Variants in NHEJ1 observed in about 807,000 individuals in gnomAD.
NHEJ1 encodes non-homologous end-joining factor 1.
Under a neutral mutation model 39.4 loss-of-function variants are expected in NHEJ1, and 22 were observed. That is an observed-to-expected ratio of 0.56 (90% CI 0.40 to 0.80). The LOEUF (loss-of-function observed/expected upper bound fraction) is 0.80, where lower values mean the gene tolerates loss of function less well. Among genes scored for constraint, NHEJ1 ranks in the 30% least tolerant of loss-of-function variants. The probability of loss-of-function intolerance (pLI) is 0.00; values close to 1 mark genes in which losing one functional copy is unlikely to be tolerated. For missense variants in NHEJ1, 329 were observed against 357.1 expected (o/e 0.92, Z 0.63); for synonymous variants, 154 against 135.6 (o/e 1.14, Z -0.94).
At chr2:219,091,120 C>T (rs1220758385) in intron 5 of NHEJ1, among the ~76,000 whole-genome samples, 1 of 152,114 alleles carries the variant, frequency 6.6e-6, no homozygotes, top group African/African-American at 2.4e-5. Flanking sequence ...CCTCATAGAG[C>T]TTACAGTCTG....
intron 5 of NHEJ1, among the ~76,000 whole-genome samples, chr2:219,097,834 G>A (rs1455721207): frequency 6.6e-6 from 1 of 152,196 alleles, no homozygotes; most frequent in Admixed American, 6.5e-5. Flanking sequence ...TAAAGATGAT[G>A]TTTAAAGCCA....
intron 5 of NHEJ1, among the ~76,000 whole-genome samples, chr2:219,133,388 G>A (rs1949596489): frequency 6.6e-6 from 1 of 152,220 alleles, no homozygotes. Context: ...CCCAATGTGA[G>A]AGAGTCCTCT....
intron 5 of NHEJ1, among the ~76,000 whole-genome samples, chr2:219,137,068 T>G (rs1485711902): frequency 7.0e-6 from 1 of 143,206 alleles, no homozygotes; most frequent in Non-Finnish European, 1.5e-5. Flanking sequence ...TAGCTCTTCT[T>G]GAGAAAAAAA....
chr2:219,137,252 G>A (rs888004803), intron 5 of NHEJ1, among the ~76,000 whole-genome samples: 2 of 152,080 alleles, frequency 1.3e-5, no homozygotes, highest in African/African-American at 4.8e-5. Context: ...CATATTTTCA[G>A]TAAGGAAAAC....
intron 5 of NHEJ1, among the ~76,000 whole-genome samples, chr2:219,137,525 A>G (rs1309859319): frequency 1.4e-5 from 2 of 148,082 alleles, no homozygotes; most frequent in Non-Finnish European, 3.0e-5. Context: ...ACATAATGAC[A>G]GTCGTTAACA....
chr2:219,135,403 T>G (rs2106353735), intron 5 of NHEJ1, among the ~76,000 whole-genome samples: 1 of 152,044 alleles, frequency 6.6e-6, no homozygotes, highest in South Asian at 2.1e-4. Flanking sequence ...GGTCAGGAGT[T>G]TGAGACCAGC....
In NHEJ1 at chr2:219,076,387, G is replaced by C; in HGVS notation, c.894C>G (p.Phe298Leu). The C allele has an allele frequency of 6.2e-7, 1 of 1,614,100 alleles. No individual in the cohort carries two copies. The highest frequency in any genetic ancestry group is 1.1e-5 in the South Asian group (1 of 91,070). ...CAGCTGAGGCCACAACAGATTAACT[G>C]AAGAGACCCCTTGGCTTCTTCCTCT... ...KVKRKKPRGL[F>L]S The change falls in exon 8 of 8, where the codon TTC (phenylalanine) becomes TTG (leucine). Residue 298 changes from phenylalanine (F) to leucine (L), a missense_variant. Coordinates refer to ENST00000356853, the MANE Select transcript of NHEJ1 (RefSeq NM_024782.3).
rs546337167 is a variant in NHEJ1, at chr2:219,071,441, T to A, written c.*4940A>T. Among the ~76,000 whole-genome samples, 1 of 152,266 alleles carries A rather than the reference T, an allele frequency of 6.6e-6. No homozygotes were observed. Among genetic ancestry groups the A allele is most frequent in the South Asian group, 2.1e-4 (1 of 4,826 alleles). Reference sequence around the variant, plus strand: ...CTCTATTGTTTTGAGTGAGGCCCAATATTTCCACAGCAGGATTATAGGATC... The same window carrying A: ...CTCTATTGTTTTGAGTGAGGCCCAAAATTTCCACAGCAGGATTATAGGATC... On this transcript the variant is annotated 3_prime_UTR_variant, in exon 8 of 8. Transcript: ENST00000356853.
At position 219,076,323 on chromosome 2, in the gene NHEJ1, A is replaced by G. The variant is rs749880986; in HGVS notation, c.*58T>C. The G allele has an allele frequency of 1.2e-6, 2 of 1,614,052 alleles. No individual in the cohort carries two copies. The highest frequency in any genetic ancestry group is 1.7e-6 in the Non-Finnish European group (2 of 1,180,002). On this transcript the variant is annotated 3_prime_UTR_variant, in exon 8 of 8. Transcript: ENST00000356853. ...ATTGCTGCCATGTAAGCTTCTTTCA[A>G]GGTGAAGCTTGGAAGCTGTTCTCCA...
At chr2:219,134,856 G>A (rs562588590) in intron 5 of NHEJ1, among the ~76,000 whole-genome samples, 1 of 151,718 alleles carries the variant, frequency 6.6e-6, no homozygotes, top group Non-Finnish European at 1.5e-5. Flanking sequence ...TGGCCAACAT[G>A]GTGAAACCCC....
At chr2:219,116,806 G>T (rs1487640782) in intron 5 of NHEJ1, among the ~76,000 whole-genome samples, 1 of 152,168 alleles carries the variant, frequency 6.6e-6, no homozygotes, top group Non-Finnish European at 1.5e-5. Flanking sequence ...TTCCACATTT[G>T]CAATAAACAA....
At chr2:219,140,652 G>A (rs1461017127) in intron 5 of NHEJ1, among the ~76,000 whole-genome samples, 2 of 152,168 alleles carry the variant, frequency 1.3e-5, no homozygotes, top group African/African-American at 4.8e-5. Flanking sequence ...TAGATGGGAG[G>A]GGGTTGTTGG....
chr2:219,103,765 G>A (rs1048536905), intron 5 of NHEJ1, among the ~76,000 whole-genome samples: 5 of 152,058 alleles, frequency 3.3e-5, no homozygotes, highest in Admixed American at 6.5e-5. Flanking sequence ...AAATAAACTG[G>A]AGCCAGGTAG....
At chr2:219,129,752 C>T (rs1949558958) in intron 5 of NHEJ1, among the ~76,000 whole-genome samples, 2 of 152,230 alleles carry the variant, frequency 1.3e-5, no homozygotes, top group African/African-American at 2.4e-5. Flanking sequence ...CTAAATTTAA[C>T]GCCCTGCGCG....
intron 5 of NHEJ1, among the ~76,000 whole-genome samples, chr2:219,116,974 G>C (rs2106342675): frequency 6.6e-6 from 1 of 152,266 alleles, no homozygotes; most frequent in Non-Finnish European, 1.5e-5. Context: ...GAAAGGAGAG[G>C]CAAAGAACAG....
intron 5 of NHEJ1, among the ~76,000 whole-genome samples, chr2:219,119,489 C>T (rs1203107859): frequency 6.6e-6 from 1 of 152,104 alleles, no homozygotes; most frequent in Non-Finnish European, 1.5e-5. Flanking sequence ...ACAATAATTT[C>T]TTACCTGAGC....
intron 5 of NHEJ1, among the ~76,000 whole-genome samples, chr2:219,109,679 G>C (rs1261557092): frequency 6.6e-6 from 1 of 152,204 alleles, no homozygotes; most frequent in Non-Finnish European, 1.5e-5. Context: ...GGGGCAAGGA[G>C]GCGTGGGTTG....
intron 5 of NHEJ1, chr2:219,124,868 C>T (rs959880347): frequency 2.0e-5 from 3 of 152,210 alleles, no homozygotes; most frequent in African/African-American, 7.2e-5. Flanking sequence ...TGGCTGATTA[C>T]AGGGCCACTC....
chr2:219,153,121 C>T (rs532871089), intron 3 of NHEJ1, among the ~76,000 whole-genome samples: 1 of 152,114 alleles, frequency 6.6e-6, no homozygotes, highest in South Asian at 2.1e-4. Flanking sequence ...TCTTTTAAAA[C>T]GAAAAGTTAT....
Sources: gnomAD v4.1 joint callset for allele counts (sites outside exome capture counted in the v4.1 genomes callset) on GRCh38, gnomAD v4.1.1 for gene constraint, MANE v1.5 for transcripts, NCBI Gene and HGNC (gene_info 2026-07-23, HGNC 2026-07-21) for gene names.